GCNT2: variants seen among roughly 807,000 people sequenced by gnomAD.
The protein encoded by GCNT2 is N-acetyllactosaminide beta-1,6-N-acetylglucosaminyl-transferase.
In GCNT2, 34 loss-of-function variants were observed where a neutral mutation model predicts 34.2. The ratio of observed to expected loss-of-function variants is 1.00; its 90% confidence interval spans 0.76 to 1.32. The LOEUF (loss-of-function observed/expected upper bound fraction) is 1.32. Ranked by LOEUF, GCNT2 falls within the 40% of genes most tolerant of loss-of-function variation. GCNT2 has a pLI of 0.00. For synonymous variants in GCNT2, 212 were observed against 188.0 expected (o/e 1.13, Z -1.04); for missense variants, 584 against 489.4 (o/e 1.19, Z -1.82).
At chr6:10,583,436 G>A (rs1373409656) in intron 3 of GCNT2, among the ~76,000 whole-genome samples, 1 of 152,108 alleles carries the variant, frequency 6.6e-6, no homozygotes, top group East Asian at 1.9e-4. Flanking sequence ...AACATGCCTC[G>A]TGTGGCTGCC....
At chr6:10,530,028 C>T in intron 3 of GCNT2, 192 bp downstream of exon 3, 1 of 583,314 alleles carries the variant, frequency 1.7e-6, no homozygotes, top group Non-Finnish European at 3.0e-6. Context: ...GTGAACCGCT[C>T]TGTTCACAGG....
At chr6:10,624,611 T>C (rs117815038) in intron 4 of GCNT2, among the ~76,000 whole-genome samples, 1 of 152,320 alleles carries the variant, frequency 6.6e-6, no homozygotes, top group East Asian at 1.9e-4. Flanking sequence ...ACAGCCTTTC[T>C]ATTCTCAAAA....
intron 3 of GCNT2, among the ~76,000 whole-genome samples, chr6:10,584,726 C>A (rs1764266893): frequency 6.6e-6 from 1 of 152,194 alleles, no homozygotes; most frequent in Non-Finnish European, 1.5e-5. Context: ...CAAGGCACAT[C>A]CTGCACAGCC....
chr6:10,580,718 C>T (rs1764033128), intron 3 of GCNT2, among the ~76,000 whole-genome samples: 1 of 152,180 alleles, frequency 6.6e-6, no homozygotes. Context: ...TGCCCCTCCC[C>T]TGACCGGCAT....
rs1561830857 is a variant in GCNT2 at position 10,601,939 on chromosome 6, T to TTAAA, written c.926-19412_926-19411insTAAA. The stretch of plus-strand genomic sequence containing the variant: ...CTGGGCAACAGAGCGAGACTCCATC[T>TTAAA]CAAGAAAAAAAAAAAAAAAAACAAA... On this transcript the variant is annotated intron_variant, in intron 3 of 4. Transcript: ENST00000495262. Among the ~76,000 whole-genome samples the TTAAA allele has an allele frequency of 2.0e-3, 154 of 76,346 alleles. 1 individual carries two copies. Among genetic ancestry groups the TTAAA allele is most frequent in the African/African-American group, 0.011 (147 of 13,084 alleles). 50.1% of individuals were successfully genotyped at this position (76,346 alleles called of 152,430 possible).
At chr6:10,617,449 C>A (rs531759446) in intron 3 of GCNT2, among the ~76,000 whole-genome samples, 451 of 152,352 alleles carry the variant, frequency 3.0e-3, no homozygotes, top group African/African-American at 9.8e-3. Context: ...TTGGCCAGCC[C>A]AGAAAGGGGC....
intron 3 of GCNT2, among the ~76,000 whole-genome samples, chr6:10,574,590 A>T (rs1405880803): frequency 6.6e-6 from 1 of 152,198 alleles, no homozygotes; most frequent in Admixed American, 6.5e-5. Context: ...AAAATTTAGG[A>T]TGGGGGGAGC....
intron 3 of GCNT2, chr6:10,581,731 G>A (rs1764075421): frequency 2.0e-6 from 2 of 984,750 alleles, no homozygotes; most frequent in Admixed American, 6.2e-5. Flanking sequence ...TTGAGGCAAA[G>A]AGAAGGGAAA....
chr6:10,568,982 A>C (rs1037792458), intron 3 of GCNT2, among the ~76,000 whole-genome samples: 1 of 151,958 alleles, frequency 6.6e-6, no homozygotes, highest in Non-Finnish European at 1.5e-5. Context: ...TAATGCTTTT[A>C]TGTCATTCTA....
intron 3 of GCNT2, among the ~76,000 whole-genome samples, chr6:10,576,536 ATC>A (rs978575490): frequency 6.6e-6 from 1 of 152,178 alleles, no homozygotes; most frequent in Non-Finnish European, 1.5e-5. Flanking sequence ...AAAAACAAAA[ATC>A]TATTCAAGGA....
intron 3 of GCNT2, among the ~76,000 whole-genome samples, chr6:10,578,330 G>A (rs1346733665): frequency 1.3e-5 from 2 of 149,032 alleles, no homozygotes; most frequent in South Asian, 2.2e-4. Context: ...GCAGTGAGCC[G>A]AGATTGAGCC....
intron 4 of GCNT2, among the ~76,000 whole-genome samples, chr6:10,622,083 A>G (rs759613394): frequency 6.6e-5 from 10 of 152,154 alleles, no homozygotes; most frequent in Non-Finnish European, 1.5e-4. Flanking sequence ...GGGTTTGCAC[A>G]GCTCTGGCAT....
intron 1 of GCNT2, among the ~76,000 whole-genome samples, chr6:10,523,870 G>C (rs1359375615): frequency 6.6e-6 from 1 of 151,710 alleles, no homozygotes; most frequent in Non-Finnish European, 1.5e-5. Context: ...CTACTCGGGA[G>C]GCTGAGGCAG....
intron 4 of GCNT2, among the ~76,000 whole-genome samples, chr6:10,625,972 T>C (rs1247183908): frequency 1.3e-5 from 2 of 152,234 alleles, no homozygotes; most frequent in South Asian, 2.1e-4. Context: ...ATAAAAGATA[T>C]ATGCTCTCTT....
At chr6:10,555,413 CT>C (rs779603674) in intron 3 of GCNT2, among the ~76,000 whole-genome samples, 11 of 152,096 alleles carry the variant, frequency 7.2e-5, no homozygotes, top group Non-Finnish European at 1.2e-4. Flanking sequence ...ATAAGCTTAA[CT>C]GGGCAGGCAT....
At chr6:10,535,900 G>C (rs148935074) in intron 3 of GCNT2, among the ~76,000 whole-genome samples, 2 of 152,118 alleles carry the variant, frequency 1.3e-5, no homozygotes, top group Non-Finnish European at 2.9e-5. Context: ...GCCAGCCTGC[G>C]GACTAGCCCT....
intron 3 of GCNT2, among the ~76,000 whole-genome samples, chr6:10,532,869 G>A (rs1033172282): frequency 4.1e-5 from 6 of 147,900 alleles, no homozygotes; most frequent in African/African-American, 7.5e-5. Flanking sequence ...GCCATTTTCC[G>A]TTGTAAGGGT....
rs372246607 is a variant in GCNT2, at chr6:10,591,278, A to T, written c.926-30073A>T. Among the ~76,000 whole-genome samples the T allele has an allele frequency of 3.9e-5, 6 of 152,268 alleles. No homozygotes were observed. The East Asian group carries it at 1.2e-3, about 29-fold the overall frequency. ...GCTAGATGGATGTGGAAGGGTCGGG[A>T]GGGGCAGGAATGTGCTGGAGAGTTC... On this transcript the variant is annotated intron_variant, in intron 3 of 4. Coordinates refer to ENST00000495262, the MANE Select transcript of GCNT2 (RefSeq NM_145649.5).
intron 3 of GCNT2, among the ~76,000 whole-genome samples, chr6:10,606,577 A>C (rs1765318520): frequency 1.7e-5 from 1 of 59,310 alleles, no homozygotes; most frequent in African/African-American, 1.2e-4. Context: ...AGTTTTTTCT[A>C]GTTAATTTTG....
Sources: allele counts gnomAD v4.1 joint callset (sites outside exome capture counted in the v4.1 genomes callset), GRCh38; gene constraint gnomAD v4.1.1; transcripts MANE v1.5; gene names NCBI Gene and HGNC (gene_info 2026-07-23, HGNC 2026-07-21).